HS3ST5: variants seen among roughly 807,000 people sequenced by gnomAD.
The protein encoded by HS3ST5 is heparan sulfate glucosamine 3-O-sulfotransferase 5.
Under a neutral mutation model 25.4 loss-of-function variants are expected in HS3ST5, and 10 were observed. That is an observed-to-expected ratio of 0.39 (90% CI 0.24 to 0.67). HS3ST5 has a LOEUF of 0.67. Ranked by LOEUF, HS3ST5 falls within the 30% of genes least tolerant of loss-of-function variation. The probability of loss-of-function intolerance (pLI) is 0.44; values close to 1 mark genes in which losing one functional copy is unlikely to be tolerated. For missense variants in HS3ST5, 324 were observed against 420.7 expected (o/e 0.77, Z 2.01); for synonymous variants, 170 against 162.4 (o/e 1.05, Z -0.36).
rs955393757 is a variant in HS3ST5, at chr6:114,056,974, C to T, written c.*283G>A. On this transcript the variant is annotated 3_prime_UTR_variant, in exon 5 of 5. Transcript: ENST00000312719. ...TGACAAATTCTGAATCAAAGGAAGA[C>T]TAACTCTTTGAGAATAGCTGAAGTC... The T allele has an allele frequency of 2.0e-5, 6 of 303,376 alleles. No individual in the cohort carries two copies. The highest frequency in any genetic ancestry group is 1.3e-4 in the African/African-American group (6 of 46,722). 18.8% of individuals were successfully genotyped at this position (303,376 alleles called of 1,614,324 possible).
intron 3 of HS3ST5, among the ~76,000 whole-genome samples, chr6:114,103,451 AC>A (rs1402557158): frequency 2.6e-5 from 4 of 152,158 alleles, no homozygotes; most frequent in Admixed American, 2.6e-4. Context: ...AAAAATATTA[AC>A]TAAATAATTG....
chr6:114,263,459 T>C (rs2114675208), intron 1 of HS3ST5, among the ~76,000 whole-genome samples: 1 of 152,196 alleles, frequency 6.6e-6, no homozygotes, highest in East Asian at 1.9e-4. Flanking sequence ...TATCCAGTTC[T>C]CCAGATAAGA....
In HS3ST5 at chr6:114,149,797, C is replaced by T. The variant is rs1582655116; in HGVS notation, c.-33+18554G>A. ...CAAATTTTAAATCTGAGGTATATCACCACTTTGATATTACATGGAAAAAAG... is the reference window on the plus strand; with the variant it reads ...CAAATTTTAAATCTGAGGTATATCATCACTTTGATATTACATGGAAAAAAG... On this transcript the variant is annotated intron_variant, in intron 3 of 4. Transcript: ENST00000312719. 2.6e-5 allele frequency among the ~76,000 whole-genome samples: 4 copies of T among 152,208 alleles called. 1 individual carries two copies. In the South Asian group the frequency reaches 8.3e-4, roughly 32 times the overall value.
At chr6:114,255,040 AG>A (rs1772841400) in intron 1 of HS3ST5, among the ~76,000 whole-genome samples, 1 of 152,182 alleles carries the variant, frequency 6.6e-6, no homozygotes, top group African/African-American at 2.4e-5. Context: ...CACAATCCAA[AG>A]TCTCATCTGA....
intron 2 of HS3ST5, among the ~76,000 whole-genome samples, chr6:114,182,282 G>A (rs1308734685): frequency 6.6e-6 from 1 of 152,074 alleles, no homozygotes. Context: ...TACTCAAGTA[G>A]AAAAAGTAAT....
chr6:114,094,790 G>A (rs1775331944), intron 3 of HS3ST5, among the ~76,000 whole-genome samples: 1 of 152,150 alleles, frequency 6.6e-6, no homozygotes, highest in Non-Finnish European at 1.5e-5. Flanking sequence ...CCTGTGACTT[G>A]TGTCTAGCCC....
chr6:114,279,678 T>C (rs1335347001), intron 1 of HS3ST5, among the ~76,000 whole-genome samples: 2 of 151,954 alleles, frequency 1.3e-5, no homozygotes, highest in African/African-American at 2.4e-5. Context: ...ATGGCTGGAT[T>C]TACCTTGAAA....
intron 3 of HS3ST5, among the ~76,000 whole-genome samples, chr6:114,162,580 A>T (rs566613349): frequency 3.2e-4 from 48 of 152,206 alleles, no homozygotes; most frequent in African/African-American, 1.0e-3. Flanking sequence ...GTGTACAATG[A>T]CTCCCTATCA....
At chr6:114,106,513 AT>A (rs1184460049) in intron 3 of HS3ST5, among the ~76,000 whole-genome samples, 1 of 152,128 alleles carries the variant, frequency 6.6e-6, no homozygotes, top group Non-Finnish European at 1.5e-5. Flanking sequence ...TAATGGGCAC[AT>A]ATCCATACTT....
At chr6:114,105,992 T>A (rs1253955432) in intron 3 of HS3ST5, among the ~76,000 whole-genome samples, 1 of 152,190 alleles carries the variant, frequency 6.6e-6, no homozygotes, top group Non-Finnish European at 1.5e-5. Flanking sequence ...CAGTAAGCTG[T>A]AATGTTGTTT....
At chr6:114,334,901 T>C (rs1776546375) in intron 1 of HS3ST5, among the ~76,000 whole-genome samples, 1 of 152,234 alleles carries the variant, frequency 6.6e-6, no homozygotes, top group Non-Finnish European at 1.5e-5. Flanking sequence ...AATTCTTTGT[T>C]CTAGTGGCCA....
intron 3 of HS3ST5, among the ~76,000 whole-genome samples, chr6:114,106,861 A>T (rs1776017729): frequency 6.6e-6 from 1 of 152,152 alleles, no homozygotes; most frequent in African/African-American, 2.4e-5. Context: ...TTACCAGGTA[A>T]GATATAAGTT....
At chr6:114,127,653 G>A (rs898388847) in intron 3 of HS3ST5, among the ~76,000 whole-genome samples, 1 of 152,078 alleles carries the variant, frequency 6.6e-6, no homozygotes, top group Non-Finnish European at 1.5e-5. Flanking sequence ...AAAGCACTAT[G>A]CCTACTGAAA....
intron 1 of HS3ST5, among the ~76,000 whole-genome samples, chr6:114,301,064 G>C (rs1274428305): frequency 6.6e-6 from 1 of 152,120 alleles, no homozygotes; most frequent in Admixed American, 6.5e-5. Flanking sequence ...TGAAGAAAAT[G>C]TTCTAGAATA....
intron 1 of HS3ST5, among the ~76,000 whole-genome samples, chr6:114,274,045 G>C (rs951708328): frequency 3.3e-5 from 5 of 152,018 alleles, no homozygotes; most frequent in African/African-American, 1.2e-4. Flanking sequence ...GGGAGAACTG[G>C]TGGAGTAGTT....
chr6:114,203,704 C>G (rs1781135161), intron 2 of HS3ST5, among the ~76,000 whole-genome samples: 1 of 152,206 alleles, frequency 6.6e-6, no homozygotes, highest in African/African-American at 2.4e-5. Flanking sequence ...AAACACTCTT[C>G]TGATTTCATC....
chr6:114,060,021 CT>C lies in HS3ST5; in HGVS notation c.108-1832del, dbSNP rs71674884. 4.0e-5 allele frequency among the ~76,000 whole-genome samples: 6 copies of C among 149,612 alleles called. No homozygotes were observed. In the East Asian group the frequency reaches 5.8e-4, roughly 15 times the overall value. ...GTGAAAATATAGACAACTTTTTTTT[CT>C]TTTTTTTTTGAGACGGAGTCTTGGT... On this transcript the variant is annotated intron_variant, in intron 4 of 4. Transcript: ENST00000312719.
intron 1 of HS3ST5, among the ~76,000 whole-genome samples, chr6:114,239,479 G>GAT (rs1772003962): frequency 6.6e-6 from 1 of 152,192 alleles, no homozygotes; most frequent in African/African-American, 2.4e-5. Context: ...GGGAGGGAAA[G>GAT]ATGTATGAGG....
intron 1 of HS3ST5, among the ~76,000 whole-genome samples, chr6:114,303,814 T>C (rs1375551489): frequency 1.3e-5 from 2 of 152,186 alleles, no homozygotes; most frequent in Non-Finnish European, 2.9e-5. Flanking sequence ...AAAATTAATC[T>C]AGCAGCTTTA....
Sources: gnomAD v4.1 joint callset for allele counts (sites outside exome capture counted in the v4.1 genomes callset) on GRCh38, gnomAD v4.1.1 for gene constraint, MANE v1.5 for transcripts, NCBI Gene and HGNC (gene_info 2026-07-23, HGNC 2026-07-21) for gene names.